Variants in SGCD observed in about 807,000 individuals in gnomAD.
SGCD encodes delta-sarcoglycan.
SGCD carries 18 observed loss-of-function variants against 36.6 expected under a neutral mutation model. That is an observed-to-expected ratio of 0.49 (90% CI 0.34 to 0.73). The LOEUF is 0.73. Among genes scored for constraint, SGCD ranks in the 30% least tolerant of loss-of-function variants. SGCD has a pLI of 0.01. For missense variants in SGCD, 387 were observed against 346.7 expected (o/e 1.12, Z -0.92); for synonymous variants, 133 against 130.6 (o/e 1.02, Z -0.12).
At chr5:156,695,138 T>TTTGTG (rs1561861648) in intron 7 of SGCD, among the ~76,000 whole-genome samples, 6 of 145,816 alleles carry the variant, frequency 4.1e-5, no homozygotes, top group Non-Finnish European at 7.5e-5. Flanking sequence ...GTGTGTGTGT[T>TTTGTG]TGTGTGTGTG....
intron 7 of SGCD, among the ~76,000 whole-genome samples, chr5:156,714,736 G>T (rs1438893868): frequency 6.6e-6 from 1 of 152,156 alleles, no homozygotes; most frequent in Non-Finnish European, 1.5e-5. Context: ...TTAGTTCAAG[G>T]GATTTTCATA....
chr5:156,605,533 G>C (rs989740922), intron 6 of SGCD, among the ~76,000 whole-genome samples: 1 of 152,224 alleles, frequency 6.6e-6, no homozygotes, highest in Non-Finnish European at 1.5e-5. Context: ...CTTTATAGCA[G>C]CATGTTTTAT....
Position 156,681,343 on chromosome 5 carries a change from C to A in SGCD, c.575+33807C>A, listed in dbSNP as rs32078. ...TGAAGCCACATTGTCTGAAGTTAGC[C>A]ACAACTGTCCTTAGTCTCCAAGGCT... On this transcript the variant is annotated intron_variant, in intron 7 of 8. Transcript: ENST00000337851. 3.9e-5 allele frequency among the ~76,000 whole-genome samples: 6 copies of A among 152,104 alleles called. No homozygotes were observed. The East Asian group carries it at 1.2e-3, about 29-fold the overall frequency.
At chr5:156,268,034 G>T (rs1240496024) in intron 3 of SGCD, among the ~76,000 whole-genome samples, 1 of 152,020 alleles carries the variant, frequency 6.6e-6, no homozygotes, top group African/African-American at 2.4e-5. Context: ...TCCCTTCTTT[G>T]TATTCATGTG....
chr5:156,571,533 GAAT>G, intron 4 of SGCD, among the ~76,000 whole-genome samples: 1 of 152,100 alleles, frequency 6.6e-6, no homozygotes, highest in East Asian at 1.9e-4. Flanking sequence ...CTCTCCCCCT[GAAT>G]GTATAAACCT....
At chr5:156,524,225 A>C (rs1581116613) in intron 4 of SGCD, among the ~76,000 whole-genome samples, 1 of 118,030 alleles carries the variant, frequency 8.5e-6, no homozygotes, top group Non-Finnish European at 1.8e-5. Flanking sequence ...TATATATATA[A>C]AGAGAGAGTA....
chr5:155,982,077 C>T (rs148370952), intron 1 of SGCD, among the ~76,000 whole-genome samples: 8 of 152,282 alleles, frequency 5.3e-5, no homozygotes, highest in South Asian at 2.1e-4. Flanking sequence ...ATATCCTCTC[C>T]GTTCACTTTC....
chr5:156,104,703 G>A (rs1023770075), intron 1 of SGCD, among the ~76,000 whole-genome samples: 3 of 152,178 alleles, frequency 2.0e-5, no homozygotes, highest in Admixed American at 2.0e-4. Flanking sequence ...AATCTGCTGG[G>A]AGTAACAAGT....
intron 1 of SGCD, among the ~76,000 whole-genome samples, chr5:155,981,244 TGGA>T: frequency 6.6e-6 from 1 of 152,104 alleles, no homozygotes. Flanking sequence ...AGTGGCGACC[TGGA>T]GGACATTCAG....
the SGCD span, among the ~76,000 whole-genome samples, chr5:155,780,142 A>G: frequency 2.6e-5 from 4 of 152,122 alleles, no homozygotes; most frequent in Non-Finnish European, 5.9e-5. Flanking sequence ...AGTGTAAACA[A>G]ATTCTGGATT....
intron 3 of SGCD, among the ~76,000 whole-genome samples, chr5:156,224,687 C>G (rs1403729423): frequency 6.6e-6 from 1 of 152,112 alleles, no homozygotes; most frequent in Non-Finnish European, 1.5e-5. Context: ...TCTTTGTATG[C>G]TTTATAATTC....
At chr5:155,749,874 T>C in the SGCD span, among the ~76,000 whole-genome samples, 2 of 152,202 alleles carry the variant, frequency 1.3e-5, no homozygotes, top group African/African-American at 4.8e-5. Flanking sequence ...TCCACAATTA[T>C]GGAATTTGAT....
chr5:156,248,184 A>G (rs1036567024), intron 3 of SGCD, among the ~76,000 whole-genome samples: 1 of 152,140 alleles, frequency 6.6e-6, no homozygotes, highest in African/African-American at 2.4e-5. Context: ...TATTCCAGGT[A>G]GAGGGAACAG....
At chr5:156,157,489 A>C (rs188996304) in intron 3 of SGCD, among the ~76,000 whole-genome samples, 1 of 151,766 alleles carries the variant, frequency 6.6e-6, no homozygotes, top group Non-Finnish European at 1.5e-5. Flanking sequence ...CCACCTACTC[A>C]AAACCTCCAT....
chr5:156,653,493 C>CTTTCTTTTTTTTTTTTTTTT (rs1763545418), intron 7 of SGCD, among the ~76,000 whole-genome samples: 1 of 48,082 alleles, frequency 2.1e-5, no homozygotes, highest in Non-Finnish European at 4.0e-5. Flanking sequence ...CTAAAGCTTG[C>CTTTCTTTTTTTTTTTTTTTT]TTTTTTTTTT....
intron 3 of SGCD, among the ~76,000 whole-genome samples, chr5:156,499,162 C>G (rs1000150083): frequency 6.6e-6 from 1 of 152,118 alleles, no homozygotes; most frequent in Non-Finnish European, 1.5e-5. Flanking sequence ...GTTTTCTCTA[C>G]TGTTAAATGG....
intron 7 of SGCD, among the ~76,000 whole-genome samples, chr5:156,718,487 T>C (rs1309062230): frequency 6.6e-6 from 1 of 152,000 alleles, no homozygotes; most frequent in Non-Finnish European, 1.5e-5. Context: ...ATCTTAAATA[T>C]AGGGATAATA....
intron 1 of SGCD, among the ~76,000 whole-genome samples, chr5:156,069,298 G>A (rs551363407): frequency 5.3e-5 from 8 of 152,196 alleles, no homozygotes; most frequent in Non-Finnish European, 1.2e-4. Context: ...ATTAATTTTT[G>A]TATAAGGTGT....
At chr5:156,620,475 T>A (rs1460030247) in intron 6 of SGCD, among the ~76,000 whole-genome samples, 1 of 152,158 alleles carries the variant, frequency 6.6e-6, no homozygotes, top group Non-Finnish European at 1.5e-5. Context: ...GAACAAAATA[T>A]ACGATAGAAC....
Sources: allele counts gnomAD v4.1 joint callset (sites outside exome capture counted in the v4.1 genomes callset), GRCh38; gene constraint gnomAD v4.1.1; transcripts MANE v1.5; gene names NCBI Gene and HGNC (gene_info 2026-07-23, HGNC 2026-07-21).